The following SCLY variants were observed in gnomAD, a reference collection of about 807,000 sequenced individuals.
SCLY encodes the protein selenocysteine lyase.
Under a neutral mutation model 50.1 loss-of-function variants are expected in SCLY, and 38 were observed. That is an observed-to-expected ratio of 0.76 (90% CI 0.59 to 0.99). The LOEUF is 0.99. Among genes scored for constraint, SCLY ranks in the 50% least tolerant of loss-of-function variants. The probability of loss-of-function intolerance (pLI) is 0.00; values close to 1 mark genes in which losing one functional copy is unlikely to be tolerated. For missense variants in SCLY, 600 were observed against 620.0 expected (o/e 0.97, Z 0.34); for synonymous variants, 243 against 249.4 (o/e 0.97, Z 0.24).
At chr2:238,091,068 C>A in intron 7 of SCLY, 150 bp from the exon 8 acceptor site, 1 of 731,784 alleles carries the variant, frequency 1.4e-6, no homozygotes. Context: ...GTTTCTGGGG[C>A]CTGCAGCTGC....
intron 1 of SCLY, among the ~76,000 whole-genome samples, chr2:238,063,744 G>A (rs1218455055): frequency 6.6e-6 from 1 of 152,206 alleles, no homozygotes; most frequent in Admixed American, 6.5e-5. Context: ...GAAATAAGGC[G>A]AACCTCTGAT....
intron 2 of SCLY, among the ~76,000 whole-genome samples, chr2:238,065,660 T>TTATTATTATTA (rs1553564089): frequency 7.0e-6 from 1 of 143,514 alleles, no homozygotes; most frequent in Non-Finnish European, 1.5e-5. Flanking sequence ...AATATTTTAT[T>TTATTATTATTA]TTATTATTAT....
intron 7 of SCLY, among the ~76,000 whole-genome samples, chr2:238,086,562 CCG>C (rs1358503945): frequency 6.6e-6 from 1 of 151,146 alleles, no homozygotes; most frequent in Admixed American, 6.6e-5. Context: ...TTTTAATTAG[CCG>C]ACATGGCAGT....
Position 238,067,880 on chromosome 2 carries a change from C to T in SCLY, c.203-185C>T, listed in dbSNP as rs1410533946. ...TTTGGTCCCTGGTTCGCTGCTGTCT[C>T]GGCCGCCCCTTTGCCGGGTTGTGTC... On this transcript the variant is annotated intron_variant, in intron 2 of 11. Coordinates refer to ENST00000254663, the MANE Select transcript of SCLY (RefSeq NM_016510.7). The surrounding 1 kb of genome is among the most constrained non-coding windows in gnomAD (Gnocchi z 4.3). 2.0e-5 allele frequency among the ~76,000 whole-genome samples: 3 copies of T among 152,180 alleles called. No individual in the cohort carries two copies. Among genetic ancestry groups the T allele is most frequent in the East Asian group, 1.9e-4 (1 of 5,194 alleles).
rs1370953961 is a variant in SCLY, at chr2:238,098,282, C to G, written c.1265C>G (p.Thr422Ser). The change falls in exon 12 of 12, where the codon ACC (threonine) becomes AGC (serine). Residue 422 changes from threonine to serine, a missense_variant. Coordinates refer to ENST00000254663, the MANE Select transcript of SCLY (RefSeq NM_016510.7). ...CTCCGGCTCAGCGTGGGCCGCAGCA[C>G]CACCAGGGCCGAGGTGGACCTCGTC... is the stretch of plus-strand genomic sequence containing the variant. ...NALRLSVGRS[T>S]TRAEVDLVVQ... 1.2e-6 allele frequency: 2 copies of G among 1,609,858 alleles called. No individual in the cohort carries two copies. Among genetic ancestry groups the G allele is most frequent in the Non-Finnish European group, 1.7e-6 (2 of 1,179,672 alleles).
chr2:238,088,516 C>T (rs1280040075), intron 7 of SCLY, among the ~76,000 whole-genome samples: 1 of 151,850 alleles, frequency 6.6e-6, no homozygotes, highest in African/African-American at 2.4e-5. Context: ...TGGCTTATGC[C>T]TGTAATCTCC....
In SCLY at chr2:238,067,019, C is replaced by T. The variant is rs1219993365; in HGVS notation, c.203-1046C>T. Among the ~76,000 whole-genome samples the T allele has an allele frequency of 1.3e-5, 2 of 152,154 alleles. No individual in the cohort carries two copies. The highest frequency in any genetic ancestry group is 2.4e-5 in the African/African-American group (1 of 41,448). ...AGACCTGCCGCCATGATTCAGTTAC[C>T]TCCCACCGGGTCCCTCTGATGACGT... On this transcript the variant is annotated intron_variant, in intron 2 of 11. Transcript: ENST00000254663. This position sits in a 1 kb window ranked among gnomAD's most constrained non-coding sequence, Gnocchi z 4.3.
intron 6 of SCLY, chr2:238,082,727 C>T (rs946655183): frequency 6.7e-5 from 12 of 178,618 alleles, no homozygotes; most frequent in Admixed American, 3.2e-4. Context: ...TGGCAGCTTA[C>T]CAGGGCCCGA....
At chr2:238,097,934 C>T (rs1465788790) in intron 11 of SCLY, among the ~76,000 whole-genome samples, 1 of 152,164 alleles carries the variant, frequency 6.6e-6, no homozygotes. Flanking sequence ...CCCCAGAGCT[C>T]AGTGCGAGAG....
At chr2:238,079,160 A>C (rs1018238303) in intron 4 of SCLY, 2 of 133,074 alleles carry the variant, frequency 1.5e-5, no homozygotes, top group African/African-American at 5.7e-5. Flanking sequence ...CTACAGCCTC[A>C]ACCTCCCAGG....
chr2:238,097,211 C>A (rs953577191), intron 11 of SCLY, among the ~76,000 whole-genome samples: 1 of 151,884 alleles, frequency 6.6e-6, no homozygotes, highest in African/African-American at 2.4e-5. Context: ...AGTGTCAGTG[C>A]TTACTTAAAC....
intron 1 of SCLY, among the ~76,000 whole-genome samples, chr2:238,061,730 A>G (rs2065020516): frequency 6.6e-6 from 1 of 152,148 alleles, no homozygotes; most frequent in African/African-American, 2.4e-5. Context: ...GCACTGGGGC[A>G]GGTGAAAGGG....
At chr2:238,094,614 G>A in intron 10 of SCLY, 92 bp downstream of exon 10, 1 of 1,105,852 alleles carries the variant, frequency 9.0e-7, no homozygotes, top group Non-Finnish European at 1.4e-6. Context: ...CACTCGCCCT[G>A]CCCTGAGCAT....
chr2:238,068,639 G>A lies in SCLY; in HGVS notation c.303+474G>A, dbSNP rs117901973. ...TCCTTTAAGTAAATTCCAGGTAGCCGATAGGATTTTTGTAATGTAATATGT... is the reference window on the plus strand; with the variant it reads ...TCCTTTAAGTAAATTCCAGGTAGCCAATAGGATTTTTGTAATGTAATATGT... On this transcript the variant is annotated intron_variant, in intron 3 of 11. Transcript: ENST00000254663. Among the ~76,000 whole-genome samples, 125 of 152,276 alleles carry A rather than the reference G, an allele frequency of 8.2e-4. 3 individuals carry two copies. The East Asian group carries it at 0.023, about 28-fold the overall frequency.
At chr2:238,068,286 T>G in intron 3 of SCLY, 121 bp downstream of exon 3, 1 of 765,098 alleles carries the variant, frequency 1.3e-6, no homozygotes, top group Non-Finnish European at 2.0e-6. Context: ...TGGTGGCTCA[T>G]GCCTGTAATC....
chr2:238,098,745 C>G lies in SCLY; in HGVS notation c.*390C>G, dbSNP rs908017023. On this transcript the variant is annotated 3_prime_UTR_variant, in exon 12 of 12. Transcript: ENST00000254663. The stretch of plus-strand genomic sequence containing the variant: ...AACTGGGCACGCCTGTTGTGAGTGC[C>G]CTTTCCTGGAAGGTGTTTTTATCTG... 2 of 331,238 alleles carry G rather than the reference C, an allele frequency of 6.0e-6. No homozygotes were observed. The highest frequency in any genetic ancestry group is 4.5e-5 in the African/African-American group (2 of 44,364). 20.5% of individuals were successfully genotyped at this position (331,238 alleles called of 1,614,324 possible). A position where few individuals can be genotyped will look rare whatever the true frequency, so the allele number is the denominator to read the frequency against.
chr2:238,080,216 C>T (rs1265057053), intron 4 of SCLY: 3 of 152,180 alleles, frequency 2.0e-5, no homozygotes, highest in African/African-American at 7.2e-5. Flanking sequence ...TCTTTAAGTA[C>T]AGTCATAGGC....
chr2:238,091,536 A>T, intron 8 of SCLY: 9 of 453,756 alleles, frequency 2.0e-5, no homozygotes, highest in Non-Finnish European at 2.8e-5. Flanking sequence ...TGAAGTGTCA[A>T]GCTGCAGGTT....
intron 4 of SCLY, chr2:238,079,043 C>CTTCT (rs1317201872): frequency 4.8e-5 from 7 of 146,764 alleles, no homozygotes; most frequent in South Asian, 2.2e-4. Context: ...TCCTTCCTTC[C>CTTCT]TTCTTTCTTT....
Sources: allele counts gnomAD v4.1 joint callset (sites outside exome capture counted in the v4.1 genomes callset), GRCh38; gene constraint gnomAD v4.1.1; non-coding constraint Gnocchi (gnomAD v3.1); transcripts MANE v1.5; gene names NCBI Gene and HGNC (gene_info 2026-07-23, HGNC 2026-07-21).